CBFA2T2: variants seen among roughly 807,000 people sequenced by gnomAD.
The protein encoded by CBFA2T2 is protein CBFA2T2.
In CBFA2T2, 11 loss-of-function variants were observed where a neutral mutation model predicts 62.2. That is an observed-to-expected ratio of 0.18 (90% CI 0.11 to 0.29). The LOEUF is 0.29. Among genes scored for constraint, CBFA2T2 ranks in the 10% least tolerant of loss-of-function variants. The pLI, the probability that CBFA2T2 is intolerant of heterozygous loss-of-function variation, is 1.00. For synonymous variants in CBFA2T2, 295 were observed against 287.5 expected (o/e 1.03, Z -0.27); for missense variants, 592 against 774.1 (o/e 0.76, Z 2.79).
rs369317710 is a variant in CBFA2T2 at position 33,530,795 on chromosome 20, A to G, written c.34+40494A>G. Among the ~76,000 whole-genome samples the G allele has an allele frequency of 9.9e-5, 15 of 151,788 alleles. No individual in the cohort carries two copies. In the East Asian group the frequency reaches 2.6e-3, roughly 26 times the overall value. On this transcript the variant is annotated intron_variant, in intron 1 of 10. Transcript: ENST00000342704. The stretch of plus-strand genomic sequence containing the variant: ...CGGTGCGTGTTCCATGAAAATAAAG[A>G]TGGCGCCAGGCGCGGTGGCTCACAC...
chr20:33,620,343 T>C (rs1455567484), intron 4 of CBFA2T2, among the ~76,000 whole-genome samples: 1 of 149,856 alleles, frequency 6.7e-6, no homozygotes, highest in East Asian at 2.0e-4. Context: ...CCCCCGTCTC[T>C]GCCAAAAAAA....
At chr20:33,575,783 A>G (rs1367516026) in intron 1 of CBFA2T2, among the ~76,000 whole-genome samples, 1 of 151,856 alleles carries the variant, frequency 6.6e-6, no homozygotes, top group Non-Finnish European at 1.5e-5. Context: ...GTTTATTTTT[A>G]TTTTTATTTT....
intron 1 of CBFA2T2, among the ~76,000 whole-genome samples, chr20:33,493,068 GTTTTTTTTTTTTT>G (rs1157324208): frequency 1.1e-5 from 1 of 88,080 alleles, no homozygotes; most frequent in Non-Finnish European, 2.2e-5. Flanking sequence ...TGAAGTTTTG[GTTTTTTTTTTTTT>G]TTTTTTTTTT....
At chr20:33,614,904 G>T (rs1473381887) in intron 3 of CBFA2T2, among the ~76,000 whole-genome samples, 1 of 152,184 alleles carries the variant, frequency 6.6e-6, no homozygotes, top group African/African-American at 2.4e-5. Flanking sequence ...CCAGCCAGTG[G>T]CCCAACCTTA....
chr20:33,575,446 A>G (rs1600993736), intron 1 of CBFA2T2, among the ~76,000 whole-genome samples: 1 of 152,248 alleles, frequency 6.6e-6, no homozygotes, highest in African/African-American at 2.4e-5. Context: ...GGAAATCATT[A>G]TCTCAGTAAA....
chr20:33,647,160 C>G lies in CBFA2T2; in HGVS notation c.*2514C>G, dbSNP rs1490358016. 2.0e-5 allele frequency: 3 copies of G among 152,236 alleles called. No homozygotes were observed. The highest frequency in any genetic ancestry group is 4.4e-5 in the Non-Finnish European group (3 of 68,080). 9.4% of individuals were successfully genotyped at this position (152,236 alleles called of 1,614,324 possible). ...TCTAAGGGGGACGGAGTCAGTACCC[C>G]GGACAGGGCCACATTTGCATGAGAC... is the stretch of plus-strand genomic sequence containing the variant. On this transcript the variant is annotated 3_prime_UTR_variant, in exon 11 of 11. Transcript: ENST00000342704.
chr20:33,519,565 G>C (rs1447301958), intron 1 of CBFA2T2, among the ~76,000 whole-genome samples: 1 of 152,132 alleles, frequency 6.6e-6, no homozygotes, highest in Admixed American at 6.6e-5. Flanking sequence ...TTGAGCATTG[G>C]TGGATTTTGG....
In CBFA2T2 at chr20:33,648,036, C is replaced by G. The variant is rs373062695; in HGVS notation, c.*3390C>G. ...GGGGCGGGGTAGGCAGCTAGAGGCG[C>G]AGGAGCGAATCCAGGTTCCTTGCGT... On this transcript the variant is annotated 3_prime_UTR_variant, in exon 11 of 11. Coordinates refer to ENST00000342704, the MANE Select transcript of CBFA2T2 (RefSeq NM_001032999.3). 2 of 152,370 alleles carry G rather than the reference C, an allele frequency of 1.3e-5. No individual in the cohort carries two copies. Among genetic ancestry groups the G allele is most frequent in the East Asian group, 3.9e-4 (2 of 5,186 alleles). 9.4% of individuals were successfully genotyped at this position (152,370 alleles called of 1,614,324 possible). A position where few individuals can be genotyped will look rare whatever the true frequency, so the allele number is the denominator to read the frequency against.
At chr20:33,535,943 C>T (rs1446315167) in intron 1 of CBFA2T2, among the ~76,000 whole-genome samples, 2 of 152,176 alleles carry the variant, frequency 1.3e-5, no homozygotes, top group African/African-American at 4.8e-5. Context: ...CCATTTAAGC[C>T]TGAGTGGACA....
intron 7 of CBFA2T2, among the ~76,000 whole-genome samples, chr20:33,629,319 A>G (rs2016363977): frequency 2.0e-5 from 3 of 152,208 alleles, no homozygotes; most frequent in African/African-American, 7.2e-5. Context: ...AGCCTTCCTC[A>G]TCTCATCAAA....
chr20:33,524,090 C>A (rs1300060847), intron 1 of CBFA2T2, among the ~76,000 whole-genome samples: 1 of 150,858 alleles, frequency 6.6e-6, no homozygotes, highest in Non-Finnish European at 1.5e-5. Context: ...TTTGTTTTCT[C>A]GTTTTTTAGA....
At chr20:33,490,954 G>T (rs2011142409) in intron 1 of CBFA2T2, among the ~76,000 whole-genome samples, 1 of 152,206 alleles carries the variant, frequency 6.6e-6, no homozygotes, top group South Asian at 2.1e-4. Flanking sequence ...ATCTGATCCA[G>T]TGTGCACCGC....
chr20:33,544,547 ATTTGTT>A (rs1253660235), intron 1 of CBFA2T2, among the ~76,000 whole-genome samples: 1 of 151,610 alleles, frequency 6.6e-6, no homozygotes, highest in African/African-American at 2.4e-5. Flanking sequence ...ATTTTTATTT[ATTTGTT>A]TTTTATTTTT....
chr20:33,606,204 CT>C (rs922274976), intron 1 of CBFA2T2, among the ~76,000 whole-genome samples: 3 of 152,082 alleles, frequency 2.0e-5, no homozygotes, highest in African/African-American at 7.2e-5. Context: ...CCCATGTTAG[CT>C]TTTTCACCCC....
rs758055647 is a variant in CBFA2T2 at position 33,606,959 on chromosome 20, G to A, written c.38G>A (p.Gly13Asp). Residue 13 changes from glycine to aspartate, a missense_variant, in exon 2 of 11, where the codon GGT (glycine) becomes GAT (aspartate). Physicochemically the swap from Gly to Asp is moderately conservative, Grantham distance 94. Coordinates refer to ENST00000342704, the MANE Select transcript of CBFA2T2 (RefSeq NM_001032999.3). ...GVPGAAAFQLGPEKRVPAMPG... is the reference protein window; with the variant it reads ...GVPGAAAFQLDPEKRVPAMPG... Reference sequence around the variant, plus strand: ...CCATTTCTCTGATTCTCTGCAGTTGGTCCTGAGAAAAGGGTGCCAGCGATG... The same window carrying A: ...CCATTTCTCTGATTCTCTGCAGTTGATCCTGAGAAAAGGGTGCCAGCGATG... 1.2e-6 allele frequency: 2 copies of A among 1,613,342 alleles called. No homozygotes were observed. The highest frequency in any genetic ancestry group is 2.2e-5 in the South Asian group (2 of 90,984).
intron 1 of CBFA2T2, among the ~76,000 whole-genome samples, chr20:33,502,605 G>T (rs13039491): frequency 6.6e-6 from 1 of 150,714 alleles, no homozygotes; most frequent in African/African-American, 2.4e-5. Context: ...GGGTTTCACC[G>T]TGTTAGCCAG....
intron 4 of CBFA2T2, among the ~76,000 whole-genome samples, chr20:33,621,091 T>C (rs1235567574): frequency 1.3e-5 from 2 of 152,172 alleles, no homozygotes; most frequent in Non-Finnish European, 2.9e-5. Flanking sequence ...TTTGTGATCT[T>C]GACGTTTTTA....
At chr20:33,643,859 G>GTGTATA (rs1491172150) in intron 10 of CBFA2T2, among the ~76,000 whole-genome samples, 1 of 95,832 alleles carries the variant, frequency 1.0e-5, no homozygotes, top group African/African-American at 3.8e-5. Flanking sequence ...GTGTGTGTGT[G>GTGTATA]TATATAATGT....
intron 1 of CBFA2T2, among the ~76,000 whole-genome samples, chr20:33,549,111 T>C (rs973865630): frequency 2.6e-5 from 4 of 152,198 alleles, no homozygotes; most frequent in African/African-American, 9.7e-5. Flanking sequence ...GAGGAAAATC[T>C]AAACATGATA....
Sources: gnomAD v4.1 joint callset for allele counts (sites outside exome capture counted in the v4.1 genomes callset) on GRCh38, gnomAD v4.1.1 for gene constraint, MANE v1.5 for transcripts, NCBI Gene and HGNC (gene_info 2026-07-23, HGNC 2026-07-21) for gene names.